RICTOR: variants seen among roughly 807,000 people sequenced by gnomAD.
RICTOR encodes rapamycin-insensitive companion of mTOR.
Under a neutral mutation model 214.9 loss-of-function variants are expected in RICTOR, and 49 were observed. That is an observed-to-expected ratio of 0.23 (90% CI 0.18 to 0.29). The LOEUF is 0.29. Among genes scored for constraint, RICTOR ranks in the 10% least tolerant of loss-of-function variants. The probability of loss-of-function intolerance (pLI) is 1.00; values close to 1 mark genes in which losing one functional copy is unlikely to be tolerated. For synonymous variants in RICTOR, 717 were observed against 711.3 expected (o/e 1.01, Z -0.13); for missense variants, 1,625 against 2,047.0 (o/e 0.79, Z 3.98).
intron 7 of RICTOR, among the ~76,000 whole-genome samples, chr5:38,984,504 T>C (rs951992572): frequency 2.0e-5 from 3 of 152,182 alleles, no homozygotes; most frequent in African/African-American, 4.8e-5. Context: ...TGAGTATAGC[T>C]TTCTAGGCAT....
chr5:39,037,114 T>C (rs2150161308), intron 2 of RICTOR, among the ~76,000 whole-genome samples: 2 of 152,250 alleles, frequency 1.3e-5, no homozygotes, highest in East Asian at 3.9e-4. Flanking sequence ...TATAACAAAC[T>C]GTCTCTCAGA....
chr5:38,958,854 T>A (rs1749543600), intron 22 of RICTOR, 23 bp from the exon 23 acceptor site: 4 of 1,248,368 alleles, frequency 3.2e-6, no homozygotes, highest in Non-Finnish European at 1.1e-6. Context: ...ATGAATACAT[T>A]AAAAAAAAAA....
intron 3 of RICTOR, among the ~76,000 whole-genome samples, chr5:39,009,386 A>G (rs191775822): frequency 7.9e-5 from 12 of 152,172 alleles, no homozygotes; most frequent in Non-Finnish European, 1.6e-4. Flanking sequence ...ACAAACACGC[A>G]CCATTTAAAA....
rs144109075 is a variant in RICTOR at position 39,025,459 on chromosome 5, A to G, written c.98-4323T>C. Among the ~76,000 whole-genome samples, 724 of 152,354 alleles carry G rather than the reference A, an allele frequency of 4.8e-3. 11 individuals carry two copies. Among genetic ancestry groups the G allele is most frequent in the African/African-American group, 0.017 (698 of 41,588 alleles). The stretch of plus-strand genomic sequence containing the variant: ...GTCTCCAATGCAGCTATGCAACTCT[A>G]ATGTTTTAGATCAGAAAGCAAGTGC... On this transcript the variant is annotated intron_variant, in intron 2 of 37. Transcript: ENST00000357387.
intron 2 of RICTOR, among the ~76,000 whole-genome samples, chr5:39,063,175 C>T (rs1012908982): frequency 2.6e-5 from 4 of 152,088 alleles, no homozygotes; most frequent in African/African-American, 9.7e-5. Context: ...AAAAAAATTA[C>T]TAATTACCTA....
At position 38,939,195 on chromosome 5, in the gene RICTOR, G is replaced by A. The variant is rs1190081212; in HGVS notation, c.*3109C>T. Reference sequence around the variant, plus strand: ...ATAACATTTTATATAAATAGCAGTAGGAAAATGTAAATAAGCATTGATATC... The same window carrying A: ...ATAACATTTTATATAAATAGCAGTAAGAAAATGTAAATAAGCATTGATATC... On this transcript the variant is annotated 3_prime_UTR_variant, in exon 38 of 38. Transcript: ENST00000357387. 1 of 232,816 alleles carries A rather than the reference G, an allele frequency of 4.3e-6. No individual in the cohort carries two copies. The highest frequency in any genetic ancestry group is 8.5e-6 in the Non-Finnish European group (1 of 117,634). The allele number at this position is 232,816 out of a possible 1,614,324, so 14.4% of individuals were successfully genotyped here.
rs1491451499 is a variant in RICTOR at position 38,990,595 on chromosome 5, A to AT, written c.583+353_583+354insA. On this transcript the variant is annotated intron_variant, in intron 7 of 37. Coordinates refer to ENST00000357387, the MANE Select transcript of RICTOR (RefSeq NM_152756.5). ...TATATATGATATATACATGATATAT[A>AT]CGATATATATGATATATATACGATA... Among the ~76,000 whole-genome samples, 14 of 131,652 alleles carry AT rather than the reference A, an allele frequency of 1.1e-4. 1 individual carries two copies. Among genetic ancestry groups the AT allele is most frequent in the African/African-American group, 4.4e-4 (14 of 31,898 alleles). 86.4% of individuals were successfully genotyped at this position (131,652 alleles called of 152,430 possible). A position where few individuals can be genotyped will look rare whatever the true frequency, so the allele number is the denominator to read the frequency against.
chr5:39,053,404 G>C (rs1013868738), intron 2 of RICTOR, among the ~76,000 whole-genome samples: 1 of 152,120 alleles, frequency 6.6e-6, no homozygotes, highest in East Asian at 1.9e-4. Flanking sequence ...CAGAGGAAAA[G>C]AGTCTAGTGA....
intron 20 of RICTOR, 100 bp from the exon 21 acceptor site, chr5:38,960,078 A>C (rs889952097): frequency 1.2e-6 from 1 of 831,156 alleles, no homozygotes; most frequent in African/African-American, 1.7e-5. Flanking sequence ...ATAATGATGA[A>C]GTTACCAATA....
chr5:38,962,695 A>G (rs1010741244), intron 17 of RICTOR, 109 bp from the exon 18 acceptor site: 30 of 809,956 alleles, frequency 3.7e-5, no homozygotes, highest in Non-Finnish European at 5.8e-5. Context: ...TTAAGGATAG[A>G]TCAAGGTTTT....
intron 7 of RICTOR, among the ~76,000 whole-genome samples, chr5:38,990,703 AGATAT>A (rs1241456671): frequency 7.1e-5 from 7 of 98,308 alleles, no homozygotes; most frequent in African/African-American, 1.6e-4. Flanking sequence ...GATATATATC[AGATAT>A]GATATATATG....
In RICTOR at chr5:38,996,468, CTAAG is replaced by C. The variant is rs1353945879; in HGVS notation, c.456+347_456+350del. Among the ~76,000 whole-genome samples the C allele has an allele frequency of 3.3e-5, 5 of 152,152 alleles. No homozygotes were observed. In the East Asian group the frequency reaches 7.7e-4, roughly 23 times the overall value. The stretch of plus-strand genomic sequence containing the variant: ...TGACTTCCATTTAATACTATTAACT[CTAAG>C]TATGCAATTAAGAGAAAATCAGGAT... On this transcript the variant is annotated intron_variant, in intron 6 of 37. Transcript: ENST00000357387.
intron 2 of RICTOR, among the ~76,000 whole-genome samples, chr5:39,073,896 G>C (rs188133190): frequency 1.3e-5 from 2 of 152,144 alleles, no homozygotes; most frequent in Admixed American, 1.3e-4. Context: ...GCCCGGAGAA[G>C]GGCTCGGGCG....
intron 2 of RICTOR, chr5:39,022,607 T>TACCTG (rs1755516016): frequency 6.5e-6 from 1 of 152,814 alleles, no homozygotes; most frequent in Non-Finnish European, 1.5e-5. Flanking sequence ...CATTCACTAT[T>TACCTG]ACCTGGTAGC....
chr5:39,068,412 C>T (rs1370938267), intron 2 of RICTOR, among the ~76,000 whole-genome samples: 1 of 152,102 alleles, frequency 6.6e-6, no homozygotes, highest in Non-Finnish European at 1.5e-5. Context: ...GTGAACTATG[C>T]AGAGAGGCAG....
intron 3 of RICTOR, among the ~76,000 whole-genome samples, chr5:39,006,601 A>C (rs2150112770): frequency 1.3e-5 from 2 of 151,486 alleles, no homozygotes; most frequent in South Asian, 4.2e-4. Flanking sequence ...CCCTAAGAAA[A>C]AGCTGATAAA....
intron 11 of RICTOR, among the ~76,000 whole-genome samples, chr5:38,969,229 C>G (rs930778262): frequency 6.6e-6 from 1 of 151,844 alleles, no homozygotes; most frequent in Admixed American, 6.6e-5. Context: ...GCCTTGGCCT[C>G]CCAAAGTGCT....
chr5:38,990,684 CATATATATG>C lies in RICTOR; in HGVS notation c.583+256_583+264del, dbSNP rs1480642001. 2.7e-3 allele frequency among the ~76,000 whole-genome samples: 43 copies of C among 16,222 alleles called. 8 individuals carry two copies. Among genetic ancestry groups the C allele is most frequent in the African/African-American group, 6.9e-3 (39 of 5,690 alleles). 10.6% of individuals were successfully genotyped at this position (16,222 alleles called of 152,430 possible). A position where few individuals can be genotyped will look rare whatever the true frequency, so the allele number is the denominator to read the frequency against. The stretch of plus-strand genomic sequence containing the variant: ...TATATCAGATATATATCAGATATAT[CATATATATG>C]ATATATATCAGATATGATATATATG... On this transcript the variant is annotated intron_variant, in intron 7 of 37. Coordinates refer to ENST00000357387, the MANE Select transcript of RICTOR (RefSeq NM_152756.5).
chr5:38,950,444 G>A lies in RICTOR; in HGVS notation c.3404C>T (p.Thr1135Met), dbSNP rs371456052. Reference protein sequence around the residue: ...KTSNRRIRTLTEPSVDFNHSD... With the variant: ...KTSNRRIRTLMEPSVDFNHSD... The stretch of plus-strand genomic sequence containing the variant: ...ATGATTAAAATCAACACTGGGCTCC[G>A]TAAGTGTTCTGATTCGCCTGTTGCT... The change falls in exon 31 of 38, where the codon ACG (threonine) becomes ATG (methionine). Residue 1135 changes from threonine (T) to methionine (M), a missense_variant. Thr to Met is a moderately conservative substitution (Grantham distance 81). Transcript: ENST00000357387. The A allele has an allele frequency of 6.8e-6, 11 of 1,613,358 alleles. No individual in the cohort carries two copies. Among genetic ancestry groups the A allele is most frequent in the East Asian group, 2.2e-5 (1 of 44,876 alleles).
Sources: gnomAD v4.1 joint callset for allele counts (sites outside exome capture counted in the v4.1 genomes callset) on GRCh38, gnomAD v4.1.1 for gene constraint, MANE v1.5 for transcripts, NCBI Gene and HGNC (gene_info 2026-07-23, HGNC 2026-07-21) for gene names.